PAM: variants seen among roughly 807,000 people sequenced by gnomAD.
PAM encodes peptidylglycine alpha-amidating monooxygenase.
A neutral mutation model predicts 122.1 loss-of-function variants in PAM; 72 were observed. That is an observed-to-expected ratio of 0.59 (90% CI 0.49 to 0.72). The LOEUF is 0.72. Among genes scored for constraint, PAM ranks in the 30% least tolerant of loss-of-function variants. PAM has a pLI of 0.00. For synonymous variants in PAM, 389 were observed against 404.4 expected (o/e 0.96, Z 0.46); for missense variants, 1,106 against 1,183.7 (o/e 0.93, Z 0.96).
At chr5:102,908,131 T>C (rs1800173684) in intron 4 of PAM, among the ~76,000 whole-genome samples, 5 of 152,114 alleles carry the variant, frequency 3.3e-5, no homozygotes, top group Admixed American at 3.3e-4. Flanking sequence ...CTTTAATCCA[T>C]CTTGAATTGA....
At chr5:102,887,335 G>A (rs766211114) in intron 3 of PAM, among the ~76,000 whole-genome samples, 9 of 151,964 alleles carry the variant, frequency 5.9e-5, no homozygotes, top group Admixed American at 1.3e-4. Context: ...TTTTGCACAA[G>A]CTTTTTCTCC....
chr5:102,985,813 T>C (rs1467348722), intron 15 of PAM, among the ~76,000 whole-genome samples: 2 of 152,156 alleles, frequency 1.3e-5, no homozygotes, highest in Admixed American at 6.6e-5. Context: ...CAAGCCAGTA[T>C]CTCTGATGAA....
intron 1 of PAM, among the ~76,000 whole-genome samples, chr5:102,862,863 G>A (rs767595843): frequency 6.6e-6 from 1 of 152,132 alleles, no homozygotes; most frequent in African/African-American, 2.4e-5. Context: ...GAATCAGGCA[G>A]TTTTCCTTCA....
chr5:102,811,795 A>C (rs1767986912), intron 1 of PAM, among the ~76,000 whole-genome samples: 1 of 152,242 alleles, frequency 6.6e-6, no homozygotes, highest in Non-Finnish European at 1.5e-5. Flanking sequence ...AATCATCCCC[A>C]AGGATATTAA....
At chr5:102,766,345 A>G (rs972758835) in intron 1 of PAM, among the ~76,000 whole-genome samples, 4 of 152,144 alleles carry the variant, frequency 2.6e-5, no homozygotes, top group Admixed American at 1.3e-4. Context: ...TCTGGGGGTG[A>G]TGGGAGACAG....
At chr5:102,835,865 G>C (rs1440467201) in intron 1 of PAM, among the ~76,000 whole-genome samples, 1 of 152,036 alleles carries the variant, frequency 6.6e-6, no homozygotes, top group Non-Finnish European at 1.5e-5. Context: ...TGCAGAAATT[G>C]CTATATATTA....
intron 1 of PAM, among the ~76,000 whole-genome samples, chr5:102,760,673 TTTTG>T (rs1472468407): frequency 6.6e-6 from 1 of 152,214 alleles, no homozygotes; most frequent in African/African-American, 2.4e-5. Context: ...AAGCTTCAAA[TTTTG>T]TTTGTGTTGG....
At chr5:102,827,290 T>C (rs1014983976) in intron 1 of PAM, among the ~76,000 whole-genome samples, 3 of 152,156 alleles carry the variant, frequency 2.0e-5, no homozygotes, top group Non-Finnish European at 2.9e-5. Context: ...GATGGCCAAC[T>C]AAATATAATG....
chr5:102,861,458 C>G lies in PAM; in HGVS notation c.-373-4365C>G, dbSNP rs1411347212. ...GATTGAGAGGCATTCTGCAAAATAG[C>G]TAGCCTGTAATCTTCCATAGAGTCA... On this transcript the variant is annotated intron_variant, in intron 1 of 25. Transcript: ENST00000438793. 2.0e-5 allele frequency among the ~76,000 whole-genome samples: 3 copies of G among 152,168 alleles called. No homozygotes were observed. The East Asian group carries it at 5.8e-4, about 29-fold the overall frequency.
chr5:102,872,408 C>T (rs1787832767), intron 3 of PAM, among the ~76,000 whole-genome samples: 1 of 152,196 alleles, frequency 6.6e-6, no homozygotes, highest in South Asian at 2.1e-4. Context: ...AATACTCCTA[C>T]AAAATGTTCT....
intron 1 of PAM, among the ~76,000 whole-genome samples, chr5:102,814,652 T>G (rs1215147766): frequency 6.6e-6 from 1 of 151,038 alleles, no homozygotes; most frequent in Non-Finnish European, 1.5e-5. Context: ...ACTTAAAAGC[T>G]ATTATTGTTT....
intron 4 of PAM, among the ~76,000 whole-genome samples, chr5:102,903,457 T>C (rs1798589475): frequency 6.6e-6 from 1 of 151,592 alleles, no homozygotes; most frequent in Admixed American, 6.6e-5. Context: ...CGTTAATTCT[T>C]AGGACGATCC....
intron 1 of PAM, among the ~76,000 whole-genome samples, chr5:102,786,262 C>A (rs1760498395): frequency 6.6e-6 from 1 of 152,196 alleles, no homozygotes; most frequent in South Asian, 2.1e-4. Context: ...TGACTTTGAA[C>A]AGACGTTACT....
At chr5:102,850,031 G>C (rs74786537) in intron 1 of PAM, among the ~76,000 whole-genome samples, 3,042 of 152,032 alleles carry the variant, frequency 0.02, 40 homozygotes, top group Middle Eastern at 0.061. Context: ...TCCAAATTTG[G>C]TATGCGCCAT....
intron 18 of PAM, among the ~76,000 whole-genome samples, chr5:103,005,679 T>C (rs1778743627): frequency 1.3e-5 from 2 of 152,194 alleles, no homozygotes; most frequent in South Asian, 4.1e-4. Flanking sequence ...TATTGGGGGT[T>C]AGGATTTCAA....
In PAM at chr5:103,028,930, CCGT is replaced by C. The variant is rs763056447; in HGVS notation, c.2788_2790del (p.Arg930del). ...TAAACCTTGGTAATTTCTTTGCAAG[CCGT>C]AAGGGCTACAGTCGAAAAGGGTTTG... On this transcript the variant is annotated inframe_deletion, in exon 26 of 26. Coordinates refer to ENST00000438793, the MANE Select transcript of PAM (RefSeq NM_001177306.2). The C allele has an allele frequency of 1.2e-6, 2 of 1,612,978 alleles. No homozygotes were observed. The highest frequency in any genetic ancestry group is 2.2e-5 in the South Asian group (2 of 90,904).
chr5:102,997,252 C>A (rs1279901735), intron 16 of PAM, among the ~76,000 whole-genome samples: 1 of 152,062 alleles, frequency 6.6e-6, no homozygotes, highest in African/African-American at 2.4e-5. Context: ...AAGGATCCAA[C>A]TTTTAATTGT....
intron 5 of PAM, among the ~76,000 whole-genome samples, chr5:102,917,560 A>G (rs574115275): frequency 6.6e-6 from 1 of 152,286 alleles, no homozygotes; most frequent in African/African-American, 2.4e-5. Context: ...TTAACATCAA[A>G]ATGTCAAACT....
In PAM at chr5:102,988,661, G is replaced by A. The variant is rs181938293; in HGVS notation, c.1484-1611G>A. ...AAGAAGGAAAGGAAAGGGAAGGGGA[G>A]GAAAGGAAAGGAAAGGGAAAAGAAA... is the stretch of plus-strand genomic sequence containing the variant. On this transcript the variant is annotated intron_variant, in intron 15 of 25. Coordinates refer to ENST00000438793, the MANE Select transcript of PAM (RefSeq NM_001177306.2). Among the ~76,000 whole-genome samples, 5 of 135,014 alleles carry A rather than the reference G, an allele frequency of 3.7e-5. No homozygotes were observed. The Admixed American group carries it at 3.8e-4, about 10-fold the overall frequency. 88.6% of individuals were successfully genotyped at this position (135,014 alleles called of 152,430 possible).
Sources: gnomAD v4.1 joint callset for allele counts (sites outside exome capture counted in the v4.1 genomes callset) on GRCh38, gnomAD v4.1.1 for gene constraint, MANE v1.5 for transcripts, NCBI Gene and HGNC (gene_info 2026-07-23, HGNC 2026-07-21) for gene names.